ADCY2: variants seen among roughly 807,000 people sequenced by gnomAD.
The protein encoded by ADCY2 is adenylate cyclase 2.
A neutral mutation model predicts 125.2 loss-of-function variants in ADCY2; 31 were observed. The observed-to-expected ratio is 0.25, with a 90% CI of 0.19 to 0.33. The LOEUF is 0.33. ADCY2 is among the 10% of genes least tolerant of loss of function. ADCY2 has a pLI of 1.00. For missense variants in ADCY2, 904 were observed against 1,418.2 expected, an observed-to-expected ratio of 0.64 and a Z score of 5.82; for synonymous variants, 512 against 548.4, an observed-to-expected ratio of 0.93 and a Z score of 0.93.
chr5:7,561,905 T>A (rs975649789), intron 3 of ADCY2, among the ~76,000 whole-genome samples: 7 of 152,294 alleles, frequency 4.6e-5, no homozygotes, highest in African/African-American at 1.7e-4. Flanking sequence ...TAATTTTGAT[T>A]CTCTATAATA....
At chr5:7,469,426 T>C (rs903184853) in intron 2 of ADCY2, among the ~76,000 whole-genome samples, 2 of 152,104 alleles carry the variant, frequency 1.3e-5, no homozygotes, top group East Asian at 3.9e-4. Context: ...TGTCATAACG[T>C]AACAGTCCTT....
intron 20 of ADCY2, chr5:7,800,308 A>T (rs1173874561): frequency 1.3e-5 from 2 of 152,166 alleles, no homozygotes; most frequent in Non-Finnish European, 2.9e-5. Flanking sequence ...TGTCATCATT[A>T]TCATTCCCCA....
Position 7,828,203 on chromosome 5 carries a change from T to C in ADCY2, c.*1332T>C, listed in dbSNP as rs1745547106. ...AGCAAAACTGCAAATTGTAGCCCAG[T>C]TGGTCAAACTTGTTTTCTTTTTATA... On this transcript the variant is annotated 3_prime_UTR_variant, in exon 25 of 25. Transcript: ENST00000338316. The C allele has an allele frequency of 6.5e-6, 1 of 152,798 alleles. No individual in the cohort carries two copies. The highest frequency in any genetic ancestry group is 1.5e-5 in the Non-Finnish European group (1 of 68,044). The allele number at this position is 152,798 out of a possible 1,614,324, so 9.5% of individuals were successfully genotyped here.
In ADCY2 at chr5:7,519,051, C is replaced by T. The variant is rs1255943442; in HGVS notation, c.409-1687C>T. Among the ~76,000 whole-genome samples, 8 of 152,274 alleles carry T rather than the reference C, an allele frequency of 5.3e-5. No individual in the cohort carries two copies. In the South Asian group the frequency reaches 1.2e-3, roughly 24 times the overall value. ...TTCCAAAAAGCCTGGAGTGCCAAAT[C>T]GAAGAGTGCCTCTTCAGGACCCACG... is the stretch of plus-strand genomic sequence containing the variant. On this transcript the variant is annotated intron_variant, in intron 2 of 24. Transcript: ENST00000338316.
At chr5:7,653,257 T>G (rs770746381) in intron 4 of ADCY2, among the ~76,000 whole-genome samples, 4 of 152,178 alleles carry the variant, frequency 2.6e-5, no homozygotes, top group Non-Finnish European at 4.4e-5. Context: ...CAGTGTGGAC[T>G]CGAGCCGGCC....
intron 4 of ADCY2, among the ~76,000 whole-genome samples, chr5:7,645,571 A>T (rs764926157): frequency 3.3e-5 from 5 of 152,230 alleles, no homozygotes; most frequent in Non-Finnish European, 7.3e-5. Context: ...TCACCAGGTT[A>T]CCAGTGAGTG....
At chr5:7,508,730 C>T (rs1228551656) in intron 2 of ADCY2, among the ~76,000 whole-genome samples, 1 of 152,172 alleles carries the variant, frequency 6.6e-6, no homozygotes, top group Non-Finnish European at 1.5e-5. Flanking sequence ...GGAGAAGGAA[C>T]TGTGGTCTGA....
intron 12 of ADCY2, among the ~76,000 whole-genome samples, chr5:7,719,774 G>T (rs1741703116): frequency 6.6e-6 from 1 of 152,098 alleles, no homozygotes; most frequent in South Asian, 2.1e-4. Context: ...ATTCTTAGAG[G>T]CTCCATCTCC....
intron 3 of ADCY2, among the ~76,000 whole-genome samples, chr5:7,589,511 A>AGAAAGAAAG (rs1554022175): frequency 7.2e-5 from 8 of 110,470 alleles, no homozygotes; most frequent in East Asian, 5.2e-4. Flanking sequence ...AGAAAGAAAG[A>AGAAAGAAAG]AAAGAAAAGA....
intron 4 of ADCY2, among the ~76,000 whole-genome samples, chr5:7,665,454 G>C (rs994847627): frequency 2.0e-5 from 3 of 152,164 alleles, no homozygotes; most frequent in African/African-American, 7.2e-5. Context: ...AGACACTGAG[G>C]CATCGAAAGC....
intron 12 of ADCY2, among the ~76,000 whole-genome samples, chr5:7,719,355 G>A (rs1741691344): frequency 6.6e-6 from 1 of 152,128 alleles, no homozygotes; most frequent in Admixed American, 6.5e-5. Context: ...AAAAATAAAA[G>A]GGAAATTTTT....
chr5:7,505,026 C>T (rs1207547907), intron 2 of ADCY2, among the ~76,000 whole-genome samples: 1 of 151,670 alleles, frequency 6.6e-6, no homozygotes, highest in African/African-American at 2.4e-5. Flanking sequence ...CACAGGCGCA[C>T]ACCACCATGC....
chr5:7,789,809 AGGGGG>A lies in ADCY2; in HGVS notation c.2628+11_2628+15del. 1 of 297,616 alleles carries A rather than the reference AGGGGG, an allele frequency of 3.4e-6. No individual in the cohort carries two copies. Among genetic ancestry groups the A allele is most frequent in the Non-Finnish European group, 5.8e-6 (1 of 172,014 alleles). The allele number at this position is 297,616 out of a possible 1,614,324, so 18.4% of individuals were successfully genotyped here. A position where few individuals can be genotyped will look rare whatever the true frequency, so the allele number is the denominator to read the frequency against. On this transcript the variant is annotated intron_variant, in intron 20 of 24. Coordinates refer to ENST00000338316, the MANE Select transcript of ADCY2 (RefSeq NM_020546.3). Reference sequence around the variant, plus strand: ...GGAGCCTGAAGAATGAGGTCAGACCAGGGGGGCTGGGGGCTGGGGGAGGGGGCTGG... The same window carrying A: ...GGAGCCTGAAGAATGAGGTCAGACCAGCTGGGGGCTGGGGGAGGGGGCTGG...
intron 4 of ADCY2, among the ~76,000 whole-genome samples, chr5:7,627,325 T>A (rs1738167442): frequency 6.6e-6 from 1 of 152,118 alleles, no homozygotes; most frequent in Non-Finnish European, 1.5e-5. Flanking sequence ...CAATAGGAGA[T>A]GTGTGGGGAC....
chr5:7,434,981 C>T (rs143839975), intron 2 of ADCY2, among the ~76,000 whole-genome samples: 2 of 152,320 alleles, frequency 1.3e-5, no homozygotes, highest in East Asian at 1.9e-4. Flanking sequence ...ATGCTCCTAT[C>T]GCTAACCAAA....
chr5:7,599,206 G>A (rs1359048791), intron 3 of ADCY2, among the ~76,000 whole-genome samples: 2 of 152,222 alleles, frequency 1.3e-5, no homozygotes, highest in Admixed American at 6.5e-5. Flanking sequence ...ACAGCCCAAG[G>A]ACAGATAGAT....
At chr5:7,824,263 C>G (rs538147132) in intron 24 of ADCY2, among the ~76,000 whole-genome samples, 1 of 152,316 alleles carries the variant, frequency 6.6e-6, no homozygotes, top group South Asian at 2.1e-4. Context: ...AGCAAGCCCA[C>G]TCAGCAACCC....
chr5:7,800,071 A>G (rs1744544391), intron 20 of ADCY2: 1 of 152,224 alleles, frequency 6.6e-6, no homozygotes, highest in Non-Finnish European at 1.5e-5. Flanking sequence ...TATAAAGTAT[A>G]GTATTTACAC....
At chr5:7,397,456 T>G (rs967167590) in intron 1 of ADCY2, among the ~76,000 whole-genome samples, 4,742 of 146,058 alleles carry the variant, frequency 0.032, 130 homozygotes, top group African/African-American at 0.038. Flanking sequence ...TTTTTTTTTT[T>G]TTTTTTTTTT....
Sources: gnomAD v4.1 joint callset for allele counts (sites outside exome capture counted in the v4.1 genomes callset) on GRCh38, gnomAD v4.1.1 for gene constraint, MANE v1.5 for transcripts, NCBI Gene and HGNC (gene_info 2026-07-23, HGNC 2026-07-21) for gene names.